Variants in THTPA observed in about 807,000 individuals in gnomAD.
THTPA encodes the protein thiamine-triphosphatase.
A neutral mutation model predicts 16.5 loss-of-function variants in THTPA; 16 were observed. The observed-to-expected ratio is 0.97, with a 90% CI of 0.66 to 1.47. The LOEUF (loss-of-function observed/expected upper bound fraction) is 1.47, where lower values mean the gene tolerates loss of function less well. THTPA is among the 40% of genes most tolerant of loss of function. The pLI, the probability that THTPA is intolerant of heterozygous loss-of-function variation, is 0.00. For missense variants in THTPA, 281 were observed against 280.9 expected (o/e 1.00, Z 0.00); for synonymous variants, 110 against 115.5 (o/e 0.95, Z 0.30).
At chr14:23,521,237 T>G in the THTPA span, 1 of 152,298 alleles carries the variant, frequency 6.6e-6, no homozygotes, top group African/African-American at 2.4e-5. Context: ...GGGGCTCCCC[T>G]GTCAGGCAAG....
the THTPA span, chr14:23,522,800 G>T: frequency 1.3e-6 from 2 of 1,536,326 alleles, no homozygotes; most frequent in Non-Finnish European, 1.7e-6. Context: ...GACAGGGTCA[G>T]TGGTGCCTGC....
the THTPA span, among the ~76,000 whole-genome samples, chr14:23,536,845 T>G: frequency 6.6e-6 from 1 of 152,084 alleles, no homozygotes; most frequent in African/African-American, 2.4e-5. Context: ...GGACTAGAAA[T>G]GAGGATTCCA....
chr14:23,511,942 C>CA, the THTPA span: 1 of 152,320 alleles, frequency 6.6e-6, no homozygotes, highest in Admixed American at 6.5e-5. Context: ...TCCCCCGCCC[C>CA]AACCTGTCCA....
At chr14:23,516,984 G>A in the THTPA span, among the ~76,000 whole-genome samples, 15,372 of 152,060 alleles carry the variant, frequency 0.1, 2,061 homozygotes, top group African/African-American at 0.31. Context: ...AGTCAACCCC[G>A]GGTGCTGCAT....
the THTPA span, chr14:23,523,803 C>T: frequency 6.5e-7 from 1 of 1,536,250 alleles, no homozygotes; most frequent in Non-Finnish European, 8.7e-7. The surrounding 1 kb of genome is among the most constrained non-coding windows in gnomAD (Gnocchi z 4.1). Flanking sequence ...CTGGTCCCTC[C>T]AGCCCCAGGG....
At chr14:23,557,907 C>G (rs772034642) in intron 1 of THTPA, among the ~76,000 whole-genome samples, 4 of 152,210 alleles carry the variant, frequency 2.6e-5, no homozygotes, top group Non-Finnish European at 5.9e-5. Flanking sequence ...CCAGTCTTGT[C>G]CTTTTGTTTT....
the THTPA span, among the ~76,000 whole-genome samples, chr14:23,539,699 C>T: frequency 1.3e-5 from 2 of 152,126 alleles, no homozygotes; most frequent in African/African-American, 2.4e-5. Flanking sequence ...GTGCTTCCTC[C>T]CATCCCCCAG....
the THTPA span, chr14:23,525,716 T>G: frequency 6.6e-7 from 1 of 1,518,802 alleles, no homozygotes; most frequent in Non-Finnish European, 8.8e-7. This position sits in a 1 kb window ranked among gnomAD's most constrained non-coding sequence, Gnocchi z 5.9. Context: ...CCGCTCCCAC[T>G]CCCGCTCAGC....
At chr14:23,531,300 G>T in the THTPA span, 1 of 890,060 alleles carries the variant, frequency 1.1e-6, no homozygotes, top group Non-Finnish European at 1.5e-6. Flanking sequence ...ACTCAAGGTA[G>T]CCTCCACAGT....
upstream of THTPA, among the ~76,000 whole-genome samples, chr14:23,553,322 G>A (rs975413385): frequency 3.3e-5 from 5 of 152,218 alleles, no homozygotes; most frequent in Non-Finnish European, 7.3e-5. Context: ...GAGGCTGGCC[G>A]GGCATGGTGG....
the THTPA span, chr14:23,534,904 C>T: frequency 3.3e-6 from 5 of 1,536,088 alleles, no homozygotes; most frequent in Non-Finnish European, 4.4e-6. This position sits in a 1 kb window ranked among gnomAD's most constrained non-coding sequence, Gnocchi z 4.5. Flanking sequence ...CCAGGGGAAG[C>T]CCTTTGGTAA....
At position 23,559,498 on chromosome 14, in the gene THTPA, C is replaced by T. The variant is rs79638470; in HGVS notation, c.*658C>T. ...TCAAGGCTCAGGGGAAGATGCATACCTCCTATGTAAGAATGCTCTTCCCTT... is the reference window on the plus strand; with the variant it reads ...TCAAGGCTCAGGGGAAGATGCATACTTCCTATGTAAGAATGCTCTTCCCTT... On this transcript the variant is annotated 3_prime_UTR_variant, in exon 2 of 2. Coordinates refer to ENST00000288014, the MANE Select transcript of THTPA (RefSeq NM_024328.6). 4,038 of 477,832 alleles carry T rather than the reference C, an allele frequency of 8.5e-3. 141 individuals are homozygous for T. The highest frequency in any genetic ancestry group is 0.07 in the African/African-American group (3,576 of 50,984). 29.6% of individuals were successfully genotyped at this position (477,832 alleles called of 1,614,324 possible).
chr14:23,554,243 T>C (rs1882181051), upstream of THTPA, among the ~76,000 whole-genome samples: 1 of 152,132 alleles, frequency 6.6e-6, no homozygotes, highest in African/African-American at 2.4e-5. Flanking sequence ...CATCCCAGGT[T>C]AACAAAACCG....
chr14:23,529,685 T>G, the THTPA span: 2 of 1,534,864 alleles, frequency 1.3e-6, no homozygotes, highest in South Asian at 1.2e-5. Flanking sequence ...CCACTTCAGC[T>G]CTTCCCAGTT....
At position 23,556,885 on chromosome 14, in the gene THTPA, C is replaced by CT. The variant is rs754792003; in HGVS notation, c.129dup (p.Glu44Ter). 6.8e-6 allele frequency: 11 copies of CT among 1,613,566 alleles called. No individual in the cohort carries two copies. The highest frequency in any genetic ancestry group is 4.2e-6 in the Non-Finnish European group (5 of 1,179,790). ...TTCCGAGACACCTACTATGACACCC[C>CT]TGAGCTGAGCCTCATGCAGGCTGAC... On this transcript the variant is annotated frameshift_variant, in exon 1 of 2. Transcript: ENST00000288014. LOFTEE classifies it high-confidence loss of function.
the THTPA span, chr14:23,526,484 G>A: frequency 1.3e-6 from 2 of 1,536,110 alleles, no homozygotes; most frequent in Non-Finnish European, 1.7e-6. Flanking sequence ...CTCCCCAGTG[G>A]TCCCCTCTTC....
chr14:23,522,784 G>T, the THTPA span: 20 of 1,536,332 alleles, frequency 1.3e-5, no homozygotes, highest in Non-Finnish European at 1.7e-5. Context: ...CAGTAGGAGG[G>T]CCTGGGACAG....
At chr14:23,554,727 A>T (rs915442488), upstream of THTPA, among the ~76,000 whole-genome samples, 17 of 152,004 alleles carry the variant, frequency 1.1e-4, 1 homozygote, top group African/African-American at 4.1e-4. Context: ...TCTCCCTATA[A>T]TACCTCTCAC....
At chr14:23,524,579 C>A in the THTPA span, 2 of 1,534,756 alleles carry the variant, frequency 1.3e-6, no homozygotes, top group Non-Finnish European at 8.7e-7. The surrounding 1 kb of genome is among the most constrained non-coding windows in gnomAD (Gnocchi z 5.6). Context: ...ATGTAGTCGG[C>A]GGTGACTGGT....
Sources: gnomAD v4.1 joint callset for allele counts (sites outside exome capture counted in the v4.1 genomes callset) on GRCh38, gnomAD v4.1.1 for gene constraint, Gnocchi (gnomAD v3.1) non-coding constraint, MANE v1.5 for transcripts, NCBI Gene and HGNC (gene_info 2026-07-23, HGNC 2026-07-21) for gene names.